The following CADPS2 variants were observed in gnomAD, a reference collection of about 807,000 sequenced individuals.
CADPS2 encodes the protein calcium-dependent secretion activator 2.
Under a neutral mutation model 172.5 loss-of-function variants are expected in CADPS2, and 93 were observed. The observed-to-expected ratio is 0.54, with a 90% CI of 0.46 to 0.64. CADPS2 has a LOEUF of 0.64. Among genes scored for constraint, CADPS2 ranks in the 30% least tolerant of loss-of-function variants. The pLI is 0.00. For synonymous variants in CADPS2, 546 were observed against 555.2 expected, an observed-to-expected ratio of 0.98 and a Z score of 0.23; for missense variants, 1,420 against 1,565.9, an observed-to-expected ratio of 0.91 and a Z score of 1.57.
At chr7:122,682,908 C>T (rs909923358) in intron 2 of CADPS2, among the ~76,000 whole-genome samples, 6 of 152,216 alleles carry the variant, frequency 3.9e-5, no homozygotes, top group African/African-American at 1.4e-4. Flanking sequence ...TCACTGGCCA[C>T]TCCTCACGAG....
At chr7:122,513,481 A>C (rs1036336216) in intron 8 of CADPS2, among the ~76,000 whole-genome samples, 166 bp from the exon 9 acceptor site, 6 of 152,224 alleles carry the variant, frequency 3.9e-5, no homozygotes, top group African/African-American at 1.4e-4. Context: ...ATACAAAATG[A>C]GTTAGCTTAT....
chr7:122,746,017 G>A (rs1291613214), intron 1 of CADPS2, among the ~76,000 whole-genome samples: 2 of 152,098 alleles, frequency 1.3e-5, no homozygotes, highest in African/African-American at 4.8e-5. Flanking sequence ...CTTAACCTCA[G>A]TGCCTCAAGT....
intron 1 of CADPS2, among the ~76,000 whole-genome samples, chr7:122,781,395 A>G (rs1056099169): frequency 6.6e-6 from 1 of 152,070 alleles, no homozygotes; most frequent in Non-Finnish European, 1.5e-5. Flanking sequence ...AAACTCAAAT[A>G]TTTTCTCTTT....
At chr7:122,611,761 A>C (rs952412112) in intron 6 of CADPS2, among the ~76,000 whole-genome samples, 1 of 152,070 alleles carries the variant, frequency 6.6e-6, no homozygotes, top group African/African-American at 2.4e-5. Context: ...ATATCACACA[A>C]AAAAATTACA....
chr7:122,541,733 TTATTCATATATTTACATA>T (rs1394073232), intron 8 of CADPS2, among the ~76,000 whole-genome samples: 3 of 144,812 alleles, frequency 2.1e-5, no homozygotes, highest in Non-Finnish European at 1.5e-5. Flanking sequence ...TCATATATAT[TTATTCATATATTTACATA>T]TATTCATATA....
intron 8 of CADPS2, among the ~76,000 whole-genome samples, chr7:122,517,334 G>A (rs925219544): frequency 2.0e-5 from 3 of 151,922 alleles, no homozygotes; most frequent in African/African-American, 7.3e-5. Context: ...CACTTCTTTG[G>A]ATATCATAAA....
chr7:122,478,228 C>T (rs978757003), intron 12 of CADPS2, among the ~76,000 whole-genome samples: 2 of 152,114 alleles, frequency 1.3e-5, no homozygotes, highest in African/African-American at 4.8e-5. Context: ...TAGTTTTAAA[C>T]AGAAAATTAT....
chr7:122,739,309 T>C lies in CADPS2; in HGVS notation c.340-2241A>G, dbSNP rs188011500. 4.5e-4 allele frequency among the ~76,000 whole-genome samples: 69 copies of C among 152,304 alleles called. No homozygotes were observed. The East Asian group carries it at 9.3e-3, about 20-fold the overall frequency. On this transcript the variant is annotated intron_variant, in intron 1 of 29. Coordinates refer to ENST00000449022, the MANE Select transcript of CADPS2 (RefSeq NM_017954.11). ...TCCTTTGCTTGATAAATAAAATACA[T>C]ACTCTTCAAAAACTAGAAACTGTGT...
intron 1 of CADPS2, among the ~76,000 whole-genome samples, chr7:122,824,563 C>T (rs1032806413): frequency 2.0e-5 from 3 of 152,080 alleles, no homozygotes; most frequent in East Asian, 3.8e-4. Flanking sequence ...TGTTCATATC[C>T]TTTGCTCTTT....
intron 9 of CADPS2, among the ~76,000 whole-genome samples, chr7:122,512,415 T>A (rs2060069617): frequency 1.3e-5 from 2 of 152,126 alleles, no homozygotes; most frequent in Admixed American, 1.3e-4. Context: ...CAAAATAGCT[T>A]GGATTTATCA....
intron 9 of CADPS2, among the ~76,000 whole-genome samples, chr7:122,511,551 A>G (rs867623694): frequency 9.8e-5 from 15 of 152,312 alleles, no homozygotes; most frequent in Middle Eastern, 3.4e-3. Flanking sequence ...TTATTGGGTT[A>G]CATTCCCACG....
At chr7:122,429,116 T>C (rs1187947444) in intron 17 of CADPS2, among the ~76,000 whole-genome samples, 1 of 152,018 alleles carries the variant, frequency 6.6e-6, no homozygotes. Flanking sequence ...TGTTATAAAC[T>C]TGATAGCTTC....
chr7:122,415,326 TA>T (rs1488840842), intron 18 of CADPS2, among the ~76,000 whole-genome samples: 4 of 152,110 alleles, frequency 2.6e-5, no homozygotes, highest in Admixed American at 6.6e-5. Context: ...AATCATGGCA[TA>T]GGGGGAAAAG....
At chr7:122,762,528 A>G (rs979952931) in intron 1 of CADPS2, among the ~76,000 whole-genome samples, 30 of 152,352 alleles carry the variant, frequency 2.0e-4, no homozygotes, top group African/African-American at 7.2e-4. Flanking sequence ...AAAAATTTGA[A>G]GGAAACTGAT....
intron 1 of CADPS2, among the ~76,000 whole-genome samples, chr7:122,752,198 A>C (rs1029708884): frequency 2.0e-5 from 3 of 152,180 alleles, no homozygotes; most frequent in African/African-American, 7.2e-5. Flanking sequence ...CACATTACCT[A>C]ACATTAGTTT....
chr7:122,461,357 T>G (rs1268526283), intron 14 of CADPS2, among the ~76,000 whole-genome samples: 1 of 152,118 alleles, frequency 6.6e-6, no homozygotes, highest in Non-Finnish European at 1.5e-5. Flanking sequence ...ATCTTTATAT[T>G]CCAATCAGGG....
chr7:122,488,003 T>C (rs964670602), intron 11 of CADPS2, among the ~76,000 whole-genome samples: 11 of 152,092 alleles, frequency 7.2e-5, no homozygotes, highest in African/African-American at 2.4e-4. Context: ...ACATACAAAA[T>C]GCAAATTTGC....
chr7:122,629,582 G>A (rs2076387433), intron 3 of CADPS2, among the ~76,000 whole-genome samples: 1 of 152,050 alleles, frequency 6.6e-6, no homozygotes, highest in South Asian at 2.1e-4. Context: ...TAGATTTCTT[G>A]ATCATTAAGT....
At chr7:122,798,624 T>C (rs569904094) in intron 1 of CADPS2, among the ~76,000 whole-genome samples, 19 of 152,296 alleles carry the variant, frequency 1.2e-4, no homozygotes, top group African/African-American at 4.6e-4. Flanking sequence ...GGCCCCTTAC[T>C]GAAATTGCTG....
Sources: allele counts gnomAD v4.1 joint callset (sites outside exome capture counted in the v4.1 genomes callset), GRCh38; gene constraint gnomAD v4.1.1; transcripts MANE v1.5; gene names NCBI Gene and HGNC (gene_info 2026-07-23, HGNC 2026-07-21).